COA8: variants seen among roughly 807,000 people sequenced by gnomAD.
COA8 encodes cytochrome c oxidase assembly factor 8.
COA8 carries 20 observed loss-of-function variants against 22.0 expected under a neutral mutation model. That is an observed-to-expected ratio of 0.91 (90% confidence interval 0.64 to 1.32). The LOEUF is 1.32. Ranked by LOEUF, COA8 falls within the 40% of genes most tolerant of loss-of-function variation. The pLI is 0.00. For missense variants in COA8, 266 were observed against 230.0 expected, an observed-to-expected ratio of 1.16 and a Z score of -1.01; for synonymous variants, 105 against 79.9, an observed-to-expected ratio of 1.31 and a Z score of -1.68.
Position 103,579,680 on chromosome 14 carries a change from C to T in COA8, c.385+5510C>T, listed in dbSNP as rs190962867. Among the ~76,000 whole-genome samples the T allele has an allele frequency of 1.7e-4, 26 of 148,734 alleles. No individual in the cohort carries two copies. In the East Asian group the frequency reaches 2.0e-3, roughly 12 times the overall value. On this transcript the variant is annotated intron_variant, in intron 3 of 4. Coordinates refer to ENST00000409074, the MANE Select transcript of COA8 (RefSeq NM_001370595.2). ...AGAAAAATTTAGAAGTACAGCATAA[C>T]GGCCGGGCACGGTGGCTCACGCCTG... is the stretch of plus-strand genomic sequence containing the variant.
Position 103,590,502 on chromosome 14 carries a change from G to A in COA8, c.*216G>A. The A allele has an allele frequency of 2.0e-6, 1 of 494,176 alleles. No individual in the cohort carries two copies. Among genetic ancestry groups the A allele is most frequent in the Non-Finnish European group, 3.6e-6 (1 of 278,152 alleles). 30.6% of individuals were successfully genotyped at this position (494,176 alleles called of 1,614,324 possible). On this transcript the variant is annotated 3_prime_UTR_variant, in exon 5 of 5. Coordinates refer to ENST00000409074, the MANE Select transcript of COA8 (RefSeq NM_001370595.2). The stretch of plus-strand genomic sequence containing the variant: ...AGGCCAGCTTGTTGTCACGTACGTG[G>A]TGTGAAATAAAGCCCAAGCACTGGG...
chr14:103,588,242 C>T (rs1003160841), intron 4 of COA8: 61 of 382,636 alleles, frequency 1.6e-4, no homozygotes, highest in Middle Eastern at 6.7e-4. Flanking sequence ...AGGCTGGATA[C>T]GGTGGCTCGC....
chr14:103,569,749 C>T (rs2076167675), intron 1 of COA8, among the ~76,000 whole-genome samples: 1 of 152,170 alleles, frequency 6.6e-6, no homozygotes, highest in African/African-American at 2.4e-5. Context: ...ATCACAGATG[C>T]AAAGACTTGG....
At chr14:103,565,098 G>A (rs544920686) in intron 1 of COA8, among the ~76,000 whole-genome samples, 1 of 152,156 alleles carries the variant, frequency 6.6e-6, no homozygotes, top group Non-Finnish European at 1.5e-5. Flanking sequence ...TGGGATCACA[G>A]GCGCATGCTG....
chr14:103,563,018 C>CGGG lies in COA8; in HGVS notation c.19_21dup (p.Gly7dup). The stretch of plus-strand genomic sequence containing the variant: ...CGTGGGGCCATGGTGGTCTTGCGGG[C>CGGG]GGGGAAGAAGACCTTTCTCCCCCCT... On this transcript the variant is annotated inframe_insertion, in exon 1 of 5. Coordinates refer to ENST00000409074, the MANE Select transcript of COA8 (RefSeq NM_001370595.2). The CGGG allele has an allele frequency of 6.4e-7, 1 of 1,557,066 alleles. No individual in the cohort carries two copies. Among genetic ancestry groups the CGGG allele is most frequent in the South Asian group, 1.2e-5 (1 of 86,278 alleles).
At chr14:103,584,606 CA>C (rs2076291810) in intron 3 of COA8, among the ~76,000 whole-genome samples, 1 of 152,136 alleles carries the variant, frequency 6.6e-6, no homozygotes, top group African/African-American at 2.4e-5. Flanking sequence ...AGCTGTTTTT[CA>C]GAGTGGCCTG....
chr14:103,589,117 C>T (rs2076332000), intron 4 of COA8, among the ~76,000 whole-genome samples: 1 of 152,132 alleles, frequency 6.6e-6, no homozygotes, highest in Non-Finnish European at 1.5e-5. Context: ...CTTAGAGGAG[C>T]CTGGCCCCCA....
Position 103,563,081 on chromosome 14 carries a change from C to G in COA8, c.80C>G (p.Ala27Gly), listed in dbSNP as rs1047052171. 5 of 1,540,518 alleles carry G rather than the reference C, an allele frequency of 3.2e-6. No homozygotes were observed. In the East Asian group the frequency reaches 7.2e-5, roughly 22 times the overall value. ...TTCGCCTGCCGCGGCTGTCAACTCG[C>G]TCCGGAGCGCGGCGCCGAGCGCAGG... is the stretch of plus-strand genomic sequence containing the variant. Reference protein sequence around the residue: ...RAFACRGCQLAPERGAERRDT... With the variant: ...RAFACRGCQLGPERGAERRDT... Residue 27 changes from alanine to glycine, a missense_variant, in exon 1 of 5, where the codon GCT becomes GGT. Coordinates refer to ENST00000409074, the MANE Select transcript of COA8 (RefSeq NM_001370595.2).
At position 103,581,538 on chromosome 14, in the gene COA8, A is replaced by G. The variant is rs2142297396; in HGVS notation, c.386-5736A>G. The G allele has an allele frequency of 2.5e-6, 1 of 398,726 alleles. No individual in the cohort carries two copies. The highest frequency in any genetic ancestry group is 2.1e-5 in the African/African-American group (1 of 48,748). The allele number at this position is 398,726 out of a possible 1,614,324, so 24.7% of individuals were successfully genotyped here. ...GCAGTTCAAAACTTATGACTTGTTC[A>G]TTTCTGGAATTTTCCATTTAATATT... On this transcript the variant is annotated intron_variant, in intron 3 of 4. Coordinates refer to ENST00000409074, the MANE Select transcript of COA8 (RefSeq NM_001370595.2). This position sits in a 1 kb window ranked among gnomAD's most constrained non-coding sequence, Gnocchi z 4.1.
Position 103,570,665 on chromosome 14 carries a change from G to A in COA8, c.124-958G>A, listed in dbSNP as rs573087428. On this transcript the variant is annotated intron_variant, in intron 1 of 4. Transcript: ENST00000409074. ...GGAGAATCGCTTGAACCCGGGAGGCGGAGGTTGCAGTGAGCCAAGATCACA... is the reference window on the plus strand; with the variant it reads ...GGAGAATCGCTTGAACCCGGGAGGCAGAGGTTGCAGTGAGCCAAGATCACA... 6.6e-5 allele frequency among the ~76,000 whole-genome samples: 10 copies of A among 152,210 alleles called. No individual in the cohort carries two copies. In the East Asian group the frequency reaches 1.5e-3, roughly 24 times the overall value.
At chr14:103,586,914 C>T (rs891810468) in intron 3 of COA8, among the ~76,000 whole-genome samples, 12 of 151,884 alleles carry the variant, frequency 7.9e-5, no homozygotes, top group African/African-American at 2.7e-4. Context: ...ATGTTGGCCA[C>T]GCTGGTCATG....
Position 103,568,583 on chromosome 14 carries a change from A to G in COA8, c.124-3040A>G, listed in dbSNP as rs533977104. Among the ~76,000 whole-genome samples, 370 of 142,262 alleles carry G rather than the reference A, an allele frequency of 2.6e-3. 4 individuals are homozygous for G. In the East Asian group the frequency reaches 0.029, roughly 11 times the overall value. The allele number at this position is 142,262 out of a possible 152,430, so 93.3% of individuals were successfully genotyped here. The stretch of plus-strand genomic sequence containing the variant: ...CACACATATATACGTGTGTGTGTAT[A>G]TATATATATATGTATACGTATATAT... On this transcript the variant is annotated intron_variant, in intron 1 of 4. Transcript: ENST00000409074.
rs780774719 is a variant in COA8 at position 103,587,309 on chromosome 14, G to A, written c.421G>A (p.Asp141Asn). 2 of 1,613,416 alleles carry A rather than the reference G, an allele frequency of 1.2e-6. No homozygotes were observed. The highest frequency in any genetic ancestry group is 1.7e-6 in the Non-Finnish European group (2 of 1,179,658). Residue 141 changes from aspartate (D) to asparagine (N), a missense_variant, in exon 4 of 5, where the codon GAC becomes AAC. Transcript: ENST00000409074. ...KATLNAEEMADFYKEFLSKNF... is the reference protein window; with the variant it reads ...KATLNAEEMANFYKEFLSKNF... The stretch of plus-strand genomic sequence containing the variant: ...AACATTGAATGCAGAAGAAATGGCG[G>A]ACTTCTACAAGGAATTTTTAAGTAA...
Position 103,574,187 on chromosome 14 carries a change from G to C in COA8, c.385+17G>C, listed in dbSNP as rs1434341228. The stretch of plus-strand genomic sequence containing the variant: ...CTGAATCAGGTTAGTGTGTTTGTTT[G>C]ATTGTTTTTTTTGCTTTCTTTGCGT... On this transcript the variant is annotated intron_variant, in intron 3 of 4. Transcript: ENST00000409074. 6.4e-7 allele frequency: 1 copy of C among 1,559,132 alleles called. No homozygotes were observed. The highest frequency in any genetic ancestry group is 1.4e-5 in the African/African-American group (1 of 71,870).
chr14:103,575,041 G>A (rs530558438), intron 3 of COA8, among the ~76,000 whole-genome samples: 12 of 152,354 alleles, frequency 7.9e-5, no homozygotes, highest in Admixed American at 5.2e-4. Context: ...TTCTCACGTC[G>A]GGAGTCGGAT....
At chr14:103,584,068 C>T (rs2076288059) in intron 3 of COA8, among the ~76,000 whole-genome samples, 1 of 152,158 alleles carries the variant, frequency 6.6e-6, no homozygotes. Flanking sequence ...GAGCAGGTCT[C>T]ACTCTGTCGC....
At chr14:103,564,451 C>T (rs1432716793) in intron 1 of COA8, among the ~76,000 whole-genome samples, 1 of 151,664 alleles carries the variant, frequency 6.6e-6, no homozygotes, top group African/African-American at 2.4e-5. Flanking sequence ...AGAGAGCAAA[C>T]GGGAAATCAA....
At chr14:103,576,842 G>C (rs979399439) in intron 3 of COA8, among the ~76,000 whole-genome samples, 1 of 152,166 alleles carries the variant, frequency 6.6e-6, no homozygotes, top group Non-Finnish European at 1.5e-5. Flanking sequence ...ATGGAGACGG[G>C]AGGAAGCAGG....
chr14:103,566,953 G>A (rs1204545185), intron 1 of COA8, among the ~76,000 whole-genome samples: 1 of 152,210 alleles, frequency 6.6e-6, no homozygotes, highest in African/African-American at 2.4e-5. Flanking sequence ...TGTTGCCCAG[G>A]CTGGAGTGCA....
Sources: gnomAD v4.1 joint callset for allele counts (sites outside exome capture counted in the v4.1 genomes callset) on GRCh38, gnomAD v4.1.1 for gene constraint, Gnocchi (gnomAD v3.1) non-coding constraint, MANE v1.5 for transcripts, NCBI Gene and HGNC (gene_info 2026-07-23, HGNC 2026-07-21) for gene names.